PIAS1: variants seen among roughly 807,000 people sequenced by gnomAD.
PIAS1 encodes E3 SUMO-protein ligase PIAS1.
A neutral mutation model predicts 71.3 loss-of-function variants in PIAS1; 6 were observed. The ratio of observed to expected loss-of-function variants is 0.08; its 90% CI spans 0.05 to 0.17. The LOEUF (loss-of-function observed/expected upper bound fraction) is 0.17. Among genes scored for constraint, PIAS1 ranks in the 10% least tolerant of loss-of-function variants. PIAS1 has a pLI of 1.00. For missense variants in PIAS1, 555 were observed against 793.6 expected (o/e 0.70, Z 3.61); for synonymous variants, 303 against 292.9 (o/e 1.03, Z -0.35).
chr15:68,073,280 G>T (rs2092121940), intron 1 of PIAS1, among the ~76,000 whole-genome samples: 1 of 152,190 alleles, frequency 6.6e-6, no homozygotes, highest in Admixed American at 6.5e-5. Flanking sequence ...GCCTCCCGAA[G>T]TGCTGGGATT....
Position 68,178,180 on chromosome 15 carries a change from G to A in PIAS1, c.1481+1526G>A, listed in dbSNP as rs2093031958. Among the ~76,000 whole-genome samples, 1 of 152,176 alleles carries A rather than the reference G, an allele frequency of 6.6e-6. No individual in the cohort carries two copies. Among genetic ancestry groups the A allele is most frequent in the Non-Finnish European group, 1.5e-5 (1 of 68,042 alleles). On this transcript the variant is annotated intron_variant, in intron 11 of 13. Coordinates refer to ENST00000249636, the MANE Select transcript of PIAS1 (RefSeq NM_016166.3). This position sits in a 1 kb window ranked among gnomAD's most constrained non-coding sequence, Gnocchi z 4.2. ...AACTACTCGGAGGGCTGATGGGGGA[G>A]GATCACTTGAACCTGGGAGGTGGAG...
chr15:68,173,580 G>A lies in PIAS1; in HGVS notation c.1009-152G>A, dbSNP rs2093004602. Among the ~76,000 whole-genome samples, 1 of 152,182 alleles carries A rather than the reference G, an allele frequency of 6.6e-6. No individual in the cohort carries two copies. The highest frequency in any genetic ancestry group is 1.5e-5 in the Non-Finnish European group (1 of 68,040). On this transcript the variant is annotated intron_variant, in intron 8 of 13. Transcript: ENST00000249636. The surrounding 1 kb of genome is among the most constrained non-coding windows in gnomAD (Gnocchi z 4.3). ...TTTTTAACCTATGGATATTTCACAG[G>A]AAATGTGTTTAATGTTCTTCTACAT...
rs1008018884 is a variant in PIAS1 at position 68,181,464 on chromosome 15, G to A, written c.1624+110G>A. On this transcript the variant is annotated intron_variant, in intron 12 of 13. Transcript: ENST00000249636. ...AGAACTGGAAGACTGAGCCAACAGG[G>A]CCTTGGACCCAGGGAACTGAGAGAA... 2.9e-6 allele frequency: 3 copies of A among 1,027,442 alleles called. No individual in the cohort carries two copies. In the African/African-American group the frequency reaches 4.8e-5, roughly 16 times the overall value. The allele number at this position is 1,027,442 out of a possible 1,614,324, so 63.6% of individuals were successfully genotyped here.
Position 68,173,035 on chromosome 15 carries a change from G to T in PIAS1, c.1009-697G>T, listed in dbSNP as rs1444513293. 6.6e-6 allele frequency among the ~76,000 whole-genome samples: 1 copy of T among 152,208 alleles called. No homozygotes were observed. Among genetic ancestry groups the T allele is most frequent in the Non-Finnish European group, 1.5e-5 (1 of 68,036 alleles). ...AACATCATGGGGAATGATCACTATT[G>T]ATTCAGTTTTGTCCTGTGAACTACT... On this transcript the variant is annotated intron_variant, in intron 8 of 13. Coordinates refer to ENST00000249636, the MANE Select transcript of PIAS1 (RefSeq NM_016166.3). This position sits in a 1 kb window ranked among gnomAD's most constrained non-coding sequence, Gnocchi z 4.3.
At chr15:68,114,029 TACACACACACACAC>T (rs58536041) in intron 2 of PIAS1, among the ~76,000 whole-genome samples, 6 of 125,216 alleles carry the variant, frequency 4.8e-5, no homozygotes, top group Non-Finnish European at 9.3e-5. Context: ...ATATATTTCA[TACACACACACACAC>T]ACACACACAC....
At chr15:68,160,295 G>T (rs2092916426) in intron 7 of PIAS1, among the ~76,000 whole-genome samples, 1 of 152,050 alleles carries the variant, frequency 6.6e-6, no homozygotes, top group Non-Finnish European at 1.5e-5. Flanking sequence ...GTATATGCAA[G>T]GTGAGAGTAG....
At chr15:68,114,588 A>G (rs549253656) in intron 2 of PIAS1, among the ~76,000 whole-genome samples, 3 of 152,124 alleles carry the variant, frequency 2.0e-5, no homozygotes, top group East Asian at 3.9e-4. Flanking sequence ...GAAATATTCT[A>G]TAACAGAAAG....
rs1567068204 is a variant in PIAS1, at chr15:68,156,730, AGAG to A, written c.934+3036_934+3038del. On this transcript the variant is annotated intron_variant, in intron 7 of 13. Transcript: ENST00000249636. ...TCTTTAAAAAAAAAAAAAAAAAAAG[AGAG>A]AGAGAGAGAGAGCGCCAAGAAGGAG... Among the ~76,000 whole-genome samples, 93 of 135,682 alleles carry A rather than the reference AGAG, an allele frequency of 6.9e-4. 1 individual carries two copies. The East Asian group carries it at 9.9e-3, about 14-fold the overall frequency. 89.0% of individuals were successfully genotyped at this position (135,682 alleles called of 152,430 possible).
intron 7 of PIAS1, among the ~76,000 whole-genome samples, chr15:68,154,262 G>A (rs1156375314): frequency 6.6e-6 from 1 of 152,190 alleles, no homozygotes; most frequent in East Asian, 1.9e-4. Flanking sequence ...GTTTTGATAC[G>A]TTGAATTTGA....
At chr15:68,093,717 C>G (rs2092351780) in intron 2 of PIAS1, among the ~76,000 whole-genome samples, 1 of 152,158 alleles carries the variant, frequency 6.6e-6, no homozygotes, top group Non-Finnish European at 1.5e-5. Context: ...AGTAGAGAAG[C>G]AAATTATGTT....
At position 68,151,382 on chromosome 15, in the gene PIAS1, A is replaced by G. The variant is rs538944140; in HGVS notation, c.829-2208A>G. Among the ~76,000 whole-genome samples the G allele has an allele frequency of 5.9e-5, 9 of 152,180 alleles. No individual in the cohort carries two copies. The South Asian group carries it at 1.5e-3, about 25-fold the overall frequency. ...GCTTGATCTCTTCTTAAATATTTATATAAAGCCTTAGGGTAATTCCAAGTT... is the reference window on the plus strand; with the variant it reads ...GCTTGATCTCTTCTTAAATATTTATGTAAAGCCTTAGGGTAATTCCAAGTT... On this transcript the variant is annotated intron_variant, in intron 6 of 13. Transcript: ENST00000249636.
chr15:68,056,741 A>G (rs1213458354), intron 1 of PIAS1, among the ~76,000 whole-genome samples: 1 of 152,046 alleles, frequency 6.6e-6, no homozygotes, highest in African/African-American at 2.4e-5. Context: ...AGGAACGCCT[A>G]CCATAGTTAT....
intron 1 of PIAS1, among the ~76,000 whole-genome samples, chr15:68,057,908 G>A (rs976398753): frequency 6.6e-6 from 1 of 152,102 alleles, no homozygotes; most frequent in African/African-American, 2.4e-5. Flanking sequence ...TCTCCTGGGC[G>A]ATCCCATTGT....
rs924932234 is a variant in PIAS1 at position 68,120,654 on chromosome 15, TTTG to T, written c.470-21277_470-21275del. ...GTCATACATTTTACGTCCATGTAAG[TTTG>T]TTGTTGTTGTTGTTTGAAACAGAGT... On this transcript the variant is annotated intron_variant, in intron 2 of 13. Transcript: ENST00000249636. Among the ~76,000 whole-genome samples the T allele has an allele frequency of 7.9e-5, 12 of 151,964 alleles. No homozygotes were observed. In the South Asian group the frequency reaches 8.3e-4, roughly 10 times the overall value.
chr15:68,058,333 T>C (rs1319205467), intron 1 of PIAS1, among the ~76,000 whole-genome samples: 1 of 152,272 alleles, frequency 6.6e-6, no homozygotes, highest in Non-Finnish European at 1.5e-5. Flanking sequence ...TTGCAGTTCA[T>C]AATATATTGC....
chr15:68,121,835 A>G (rs1282742363), intron 2 of PIAS1, among the ~76,000 whole-genome samples: 2 of 152,140 alleles, frequency 1.3e-5, no homozygotes, highest in Non-Finnish European at 2.9e-5. Flanking sequence ...GCTCACTAAA[A>G]AACTTCAAGA....
intron 2 of PIAS1, among the ~76,000 whole-genome samples, chr15:68,098,089 A>G (rs1314142099): frequency 6.6e-6 from 1 of 152,304 alleles, no homozygotes; most frequent in East Asian, 1.9e-4. Context: ...GAATTATTGT[A>G]TAGTTGACCC....
chr15:68,093,252 T>TA (rs1272362304), intron 2 of PIAS1, among the ~76,000 whole-genome samples: 1 of 152,248 alleles, frequency 6.6e-6, no homozygotes, highest in Non-Finnish European at 1.5e-5. Flanking sequence ...TTTTTAGACT[T>TA]ACATTTTAGC....
chr15:68,103,272 T>TA (rs1313696724), intron 2 of PIAS1, among the ~76,000 whole-genome samples: 1 of 111,208 alleles, frequency 9.0e-6, no homozygotes, highest in Non-Finnish European at 2.2e-5. Flanking sequence ...GATAAAATGA[T>TA]ATTTTTTTTT....
Sources: allele counts gnomAD v4.1 joint callset (sites outside exome capture counted in the v4.1 genomes callset), GRCh38; gene constraint gnomAD v4.1.1; non-coding constraint Gnocchi (gnomAD v3.1); transcripts MANE v1.5; gene names NCBI Gene and HGNC (gene_info 2026-07-23, HGNC 2026-07-21).